EXT2: variants seen among roughly 807,000 people sequenced by gnomAD.
The protein encoded by EXT2 is exostosin glycosyltransferase 2.
EXT2 carries 53 observed loss-of-function variants against 81.6 expected under a neutral mutation model. The ratio of observed to expected loss-of-function variants is 0.65; its 90% CI spans 0.52 to 0.82. The LOEUF (loss-of-function observed/expected upper bound fraction) is 0.82. Among genes scored for constraint, EXT2 ranks in the 40% least tolerant of loss-of-function variants. The probability of loss-of-function intolerance (pLI) is 0.00; values close to 1 mark genes in which losing one functional copy is unlikely to be tolerated. For missense variants in EXT2, 774 were observed against 910.2 expected (o/e 0.85, Z 1.93); for synonymous variants, 320 against 340.0 (o/e 0.94, Z 0.65).
intron 1 of EXT2, among the ~76,000 whole-genome samples, chr11:44,102,029 C>T (rs575093803): frequency 5.3e-5 from 8 of 152,076 alleles, no homozygotes; most frequent in Middle Eastern, 3.4e-3. Context: ...ACTATCTCTC[C>T]CCTTGTGTTC....
intron 8 of EXT2, among the ~76,000 whole-genome samples, chr11:44,197,261 G>A (rs1955465848): frequency 6.6e-6 from 1 of 151,716 alleles, no homozygotes. Context: ...ATTTTTAACA[G>A]TCTTCCTGTT....
At chr11:44,244,009 G>C (rs1164994541) in intron 13 of EXT2, 140 bp from the exon 14 acceptor site, 1 of 818,220 alleles carries the variant, frequency 1.2e-6, no homozygotes, top group African/African-American at 1.7e-5. Context: ...GTGGCTACTT[G>C]AGCTTTTTTT....
At chr11:44,119,089 G>T (rs889843119) in intron 4 of EXT2, among the ~76,000 whole-genome samples, 16 of 126,878 alleles carry the variant, frequency 1.3e-4, no homozygotes, top group Non-Finnish European at 2.6e-4. Flanking sequence ...CAGGAGAAAG[G>T]GAATGATTAT....
Position 44,097,552 on chromosome 11 carries a change from G to A in EXT2, c.-31+1700G>A, listed in dbSNP as rs1025298839. On this transcript the variant is annotated intron_variant, in intron 1 of 13. Transcript: ENST00000533608. ...CGCCTGTAATCCCAACACTTTGGGA[G>A]GCCGAGGTGGGTGGATCACTTGAGG... Among the ~76,000 whole-genome samples, 15 of 152,246 alleles carry A rather than the reference G, an allele frequency of 9.9e-5. No individual in the cohort carries two copies. In the East Asian group the frequency reaches 2.9e-3, roughly 29 times the overall value.
At chr11:44,233,716 T>G (rs994131604) in intron 11 of EXT2, among the ~76,000 whole-genome samples, 2 of 152,200 alleles carry the variant, frequency 1.3e-5, no homozygotes, top group African/African-American at 4.8e-5. Flanking sequence ...GGTCTCTAGA[T>G]CCAGAAATGG....
intron 7 of EXT2, among the ~76,000 whole-genome samples, chr11:44,165,399 A>T (rs1470282837): frequency 2.0e-5 from 3 of 152,216 alleles, no homozygotes; most frequent in Non-Finnish European, 4.4e-5. Flanking sequence ...ATTACAGAAG[A>T]CCTGCAGAAA....
intron 8 of EXT2, among the ~76,000 whole-genome samples, chr11:44,193,984 T>G (rs1161518122): frequency 6.6e-6 from 1 of 152,224 alleles, no homozygotes; most frequent in African/African-American, 2.4e-5. Flanking sequence ...TCTGTTGTCT[T>G]GCCAGCGACT....
intron 9 of EXT2, among the ~76,000 whole-genome samples, chr11:44,203,967 A>T (rs1955551618): frequency 6.6e-6 from 1 of 152,360 alleles, no homozygotes; most frequent in South Asian, 2.1e-4. Context: ...GATAAGTGGC[A>T]CACTTAGTTT....
At chr11:44,124,191 C>T (rs535177295) in intron 4 of EXT2, among the ~76,000 whole-genome samples, 10 of 152,264 alleles carry the variant, frequency 6.6e-5, no homozygotes, top group African/African-American at 1.2e-4. Flanking sequence ...ACTACCAATT[C>T]GGTCTCCCTC....
At chr11:44,171,456 G>A (rs758991777) in intron 7 of EXT2, among the ~76,000 whole-genome samples, 155 bp from the exon 8 acceptor site, 2 of 152,174 alleles carry the variant, frequency 1.3e-5, no homozygotes, top group Non-Finnish European at 2.9e-5. Context: ...ATGGCAGCTG[G>A]CTTGAACAGC....
intron 9 of EXT2, among the ~76,000 whole-genome samples, chr11:44,204,979 G>A (rs1955565483): frequency 6.6e-6 from 1 of 152,332 alleles, no homozygotes; most frequent in South Asian, 2.1e-4. Flanking sequence ...GATTGCTGGA[G>A]AAAGTGATTG....
intron 10 of EXT2, among the ~76,000 whole-genome samples, chr11:44,225,482 T>A (rs1955829039): frequency 6.6e-6 from 1 of 152,194 alleles, no homozygotes; most frequent in African/African-American, 2.4e-5. Context: ...TTTTTTCGTG[T>A]TCCCTGCCTC....
At chr11:44,142,790 A>T (rs1443534546) in intron 7 of EXT2, among the ~76,000 whole-genome samples, 2 of 152,218 alleles carry the variant, frequency 1.3e-5, no homozygotes, top group Admixed American at 6.5e-5. Flanking sequence ...TAACATGCTC[A>T]TGACTGTGAA....
rs2135260020 is a variant in EXT2 at position 44,232,510 on chromosome 11, G to A, written c.1806+14G>A. On this transcript the variant is annotated intron_variant, in intron 11 of 13. Coordinates refer to ENST00000533608, the MANE Select transcript of EXT2 (RefSeq NM_207122.2). ...TTTTATCACAAGGTAAGGGGGCGCA[G>A]TCCTGGCAAGGTGACAAAACTGAGA... 1.2e-6 allele frequency: 2 copies of A among 1,613,722 alleles called. No individual in the cohort carries two copies. The highest frequency in any genetic ancestry group is 8.5e-7 in the Non-Finnish European group (1 of 1,179,796).
intron 8 of EXT2, among the ~76,000 whole-genome samples, chr11:44,184,624 G>A (rs1298936095): frequency 2.0e-5 from 3 of 152,122 alleles, no homozygotes; most frequent in African/African-American, 4.8e-5. Context: ...GGTGGCGGGC[G>A]CCTGTGGTCC....
intron 8 of EXT2, among the ~76,000 whole-genome samples, chr11:44,195,859 C>T (rs557430988): frequency 5.9e-5 from 9 of 151,948 alleles, no homozygotes; most frequent in South Asian, 4.2e-4. Context: ...TTAATGCCAC[C>T]GAATTACACA....
At chr11:44,127,034 T>C (rs531213872) in intron 6 of EXT2, 79 bp downstream of exon 6, 363 of 1,543,146 alleles carry the variant, frequency 2.4e-4, no homozygotes, top group Non-Finnish European at 2.6e-4. Context: ...GTCATTGTAA[T>C]GTATACCCTG....
intron 7 of EXT2, among the ~76,000 whole-genome samples, chr11:44,165,641 T>C (rs1954984950): frequency 6.6e-6 from 1 of 152,224 alleles, no homozygotes; most frequent in Non-Finnish European, 1.5e-5. Flanking sequence ...GTCTCCACTG[T>C]GATTATATGT....
At chr11:44,139,225 A>G (rs1480209079) in intron 7 of EXT2, among the ~76,000 whole-genome samples, 1 of 146,694 alleles carries the variant, frequency 6.8e-6, no homozygotes, top group Non-Finnish European at 1.5e-5. Context: ...TCATTGGCAC[A>G]TTTGGATAAA....
Sources: allele counts gnomAD v4.1 joint callset (sites outside exome capture counted in the v4.1 genomes callset), GRCh38; gene constraint gnomAD v4.1.1; transcripts MANE v1.5; gene names NCBI Gene and HGNC (gene_info 2026-07-23, HGNC 2026-07-21).